The following NLRP8 variants were observed in gnomAD, a reference collection of about 807,000 sequenced individuals.
NLRP8 encodes NACHT, LRR and PYD domains-containing protein 8.
In NLRP8, 86 loss-of-function variants were observed where a neutral mutation model predicts 88.7. That is an observed-to-expected ratio of 0.97 (90% CI 0.81 to 1.16). The LOEUF is 1.16. Among genes scored for constraint, NLRP8 ranks in the 50% most tolerant of loss-of-function variants. The probability of loss-of-function intolerance (pLI) is 0.00; values close to 1 mark genes in which losing one functional copy is unlikely to be tolerated. For missense variants in NLRP8, 1,342 were observed against 1,286.5 expected, an observed-to-expected ratio of 1.04 and a Z score of -0.66; for synonymous variants, 504 against 494.6, an observed-to-expected ratio of 1.02 and a Z score of -0.25.
intron 8 of NLRP8, among the ~76,000 whole-genome samples, chr19:55,977,509 G>T (rs1980402694): frequency 1.4e-5 from 2 of 140,500 alleles, no homozygotes; most frequent in South Asian, 2.2e-4. Context: ...ATAAATATAT[G>T]TATTATATAT....
chr19:55,969,003 C>A (rs1979961522), intron 5 of NLRP8, among the ~76,000 whole-genome samples: 1 of 152,112 alleles, frequency 6.6e-6, no homozygotes, highest in Admixed American at 6.5e-5. Context: ...GAGGCATTTA[C>A]CCAACAGGCA....
chr19:55,971,847 C>T (rs577381664), intron 6 of NLRP8, among the ~76,000 whole-genome samples: 16 of 152,266 alleles, frequency 1.1e-4, no homozygotes, highest in African/African-American at 3.4e-4. Flanking sequence ...ATTGTTGTTA[C>T]TGTTATTGCC....
At position 55,986,311 on chromosome 19, in the gene NLRP8, GTC is replaced by G. The variant is rs199644371; in HGVS notation, c.3048-1498_3048-1497del. Among the ~76,000 whole-genome samples, 912 of 144,632 alleles carry G rather than the reference GTC, an allele frequency of 6.3e-3. 7 individuals carry two copies. The highest frequency in any genetic ancestry group is 0.021 in the African/African-American group (819 of 38,232). The allele number at this position is 144,632 out of a possible 152,430, so 94.9% of individuals were successfully genotyped here. On this transcript the variant is annotated intron_variant, in intron 9 of 9. Coordinates refer to ENST00000291971, the MANE Select transcript of NLRP8 (RefSeq NM_176811.2). Reference sequence around the variant, plus strand: ...TCACACACACACTCTATCATACACAGTCTCTCACACACACACACTCTCTGTCT... The same window carrying G: ...TCACACACACACTCTATCATACACAGTCTCACACACACACACTCTCTGTCT...
At position 55,966,278 on chromosome 19, in the gene NLRP8, A is replaced by G. The variant is rs370197208; in HGVS notation, c.2279A>G (p.His760Arg). ...ATCGGTGTTTTGACGGGGAACCAGCATCTGAGATACTTGGAAATACAACAT... is the reference window on the plus strand; with the variant it reads ...ATCGGTGTTTTGACGGGGAACCAGCGTCTGAGATACTTGGAAATACAACAT... The change falls in exon 5 of 10, where the codon CAT (histidine) becomes CGT (arginine). Residue 760 changes from histidine (H) to arginine (R), a missense_variant. By Grantham distance (29) the His-to-Arg change is conservative. Coordinates refer to ENST00000291971, the MANE Select transcript of NLRP8 (RefSeq NM_176811.2). 6.2e-7 allele frequency: 1 copy of G among 1,614,150 alleles called. No homozygotes were observed. Among genetic ancestry groups the G allele is most frequent in the Non-Finnish European group, 8.5e-7 (1 of 1,179,996 alleles).
At chr19:55,966,603 G>C (rs1979855456) in intron 5 of NLRP8, among the ~76,000 whole-genome samples, 1 of 152,184 alleles carries the variant, frequency 6.6e-6, no homozygotes, top group Non-Finnish European at 1.5e-5. Context: ...GACCAACCTG[G>C]CCAACATGGT....
At chr19:55,986,348 TGTCTCACACCCACTCACACA>T (rs1289370247) in intron 9 of NLRP8, among the ~76,000 whole-genome samples, 1 of 148,782 alleles carries the variant, frequency 6.7e-6, no homozygotes, top group Non-Finnish European at 1.5e-5. Context: ...TCACACACAT[TGTCTCACACCCACTCACACA>T]GTCTCACACA....
chr19:55,954,090 G>A lies in NLRP8; in HGVS notation c.443-411G>A, dbSNP rs1023289214. Among the ~76,000 whole-genome samples the A allele has an allele frequency of 9.9e-5, 15 of 151,966 alleles. No individual in the cohort carries two copies. In the South Asian group the frequency reaches 2.3e-3, roughly 23 times the overall value. On this transcript the variant is annotated intron_variant, in intron 2 of 9. Coordinates refer to ENST00000291971, the MANE Select transcript of NLRP8 (RefSeq NM_176811.2). ...AGTGCTGGGATTACAGGTACAAGCC[G>A]CCACACCCGGCCCTCCCAAGTATTT...
chr19:55,950,053 C>A (rs984592740), intron 1 of NLRP8, among the ~76,000 whole-genome samples: 4 of 151,952 alleles, frequency 2.6e-5, no homozygotes, highest in African/African-American at 9.7e-5. Context: ...ACCCCGTGAC[C>A]CAGTGGTAGA....
intron 3 of NLRP8, among the ~76,000 whole-genome samples, chr19:55,958,516 C>T (rs888058824): frequency 3.9e-5 from 6 of 152,162 alleles, no homozygotes; most frequent in Non-Finnish European, 7.4e-5. Flanking sequence ...ACCTAGCTTT[C>T]TGCTTGTTTA....
At chr19:55,971,658 C>G (rs1369613766) in intron 6 of NLRP8, among the ~76,000 whole-genome samples, 1 of 122,666 alleles carries the variant, frequency 8.2e-6, no homozygotes, top group Non-Finnish European at 1.6e-5. Context: ...CACAGACACA[C>G]ACACACACGC....
intron 9 of NLRP8, among the ~76,000 whole-genome samples, chr19:55,985,811 T>C (rs1980781556): frequency 6.6e-6 from 1 of 151,948 alleles, no homozygotes; most frequent in Admixed American, 6.6e-5. Flanking sequence ...AGGTCAGGAG[T>C]TCGAGATCAG....
At chr19:55,979,656 T>C in intron 9 of NLRP8, 92 bp downstream of exon 9, 1 of 1,381,064 alleles carries the variant, frequency 7.2e-7, no homozygotes, top group Admixed American at 1.8e-5. Flanking sequence ...TAGTGGTGCA[T>C]GCCTGTAATC....
At chr19:55,954,388 A>G in intron 2 of NLRP8, 113 bp from the exon 3 acceptor site, 4 of 1,033,176 alleles carry the variant, frequency 3.9e-6, no homozygotes, top group Non-Finnish European at 5.7e-6. Context: ...CATTTATGCA[A>G]GGGCATCACG....
At chr19:55,982,714 G>A (rs1363885527) in intron 9 of NLRP8, among the ~76,000 whole-genome samples, 1 of 152,204 alleles carries the variant, frequency 6.6e-6, no homozygotes, top group East Asian at 1.9e-4. Context: ...AGGTTAAGGT[G>A]GAGAGTTGCT....
At chr19:55,958,137 C>T (rs975795460) in intron 3 of NLRP8, among the ~76,000 whole-genome samples, 13 of 152,080 alleles carry the variant, frequency 8.5e-5, no homozygotes, top group Admixed American at 2.6e-4. Context: ...AAGAGAGAGG[C>T]GATTTAGACT....
intron 9 of NLRP8, among the ~76,000 whole-genome samples, 191 bp downstream of exon 10, chr19:55,981,349 A>G (rs1199515976): frequency 1.3e-5 from 2 of 152,092 alleles, no homozygotes; most frequent in Non-Finnish European, 2.9e-5. Context: ...AAATAGCTCC[A>G]TCAATGTTAT....
intron 9 of NLRP8, among the ~76,000 whole-genome samples, chr19:55,984,759 C>G (rs1006767232): frequency 2.0e-5 from 3 of 151,724 alleles, no homozygotes; most frequent in Non-Finnish European, 4.4e-5. Flanking sequence ...ATCACTTCAG[C>G]CCAGGAGTTC....
chr19:55,972,895 C>T (rs531545264), intron 6 of NLRP8, among the ~76,000 whole-genome samples: 4 of 151,334 alleles, frequency 2.6e-5, no homozygotes, highest in Admixed American at 1.3e-4. Context: ...TCCATATTTT[C>T]GCAACTGCAA....
At chr19:55,971,180 C>G (rs945729379) in intron 6 of NLRP8, among the ~76,000 whole-genome samples, 11 of 152,148 alleles carry the variant, frequency 7.2e-5, no homozygotes, top group Admixed American at 4.6e-4. Flanking sequence ...TGGCTCATGC[C>G]TGTAATCCCA....
Sources: allele counts gnomAD v4.1 joint callset (sites outside exome capture counted in the v4.1 genomes callset), GRCh38; gene constraint gnomAD v4.1.1; transcripts MANE v1.5; gene names NCBI Gene and HGNC (gene_info 2026-07-23, HGNC 2026-07-21).